Variants in POMGNT1 observed in about 807,000 individuals in gnomAD.
POMGNT1 encodes protein O-linked-mannose beta-1,2-N-acetylglucosaminyltransferase 1.
In POMGNT1, 67 loss-of-function variants were observed where a neutral mutation model predicts 95.6. The observed-to-expected ratio is 0.70, with a 90% CI of 0.58 to 0.86. The LOEUF (loss-of-function observed/expected upper bound fraction) is 0.86, where lower values mean the gene tolerates loss of function less well. Among genes scored for constraint, POMGNT1 ranks in the 40% least tolerant of loss-of-function variants. The probability of loss-of-function intolerance (pLI) is 0.00; values close to 1 mark genes in which losing one functional copy is unlikely to be tolerated. For missense variants in POMGNT1, 719 were observed against 855.2 expected (o/e 0.84, Z 1.99); for synonymous variants, 298 against 317.9 (o/e 0.94, Z 0.66).
Position 46,189,274 on chromosome 1 carries a change from G to A in POMGNT1, c.1979C>T (p.Thr660Ile), listed in dbSNP as rs377760450. The A allele has an allele frequency of 1.7e-5, 27 of 1,613,378 alleles. No individual in the cohort carries two copies. The African/African-American group carries it at 3.5e-4, about 21-fold the overall frequency. Residue 660 changes from threonine (T) to isoleucine (I), a missense_variant, in exon 22 of 22, where the codon ACA becomes ATA. Physicochemically the swap from Thr to Ile is moderately conservative, Grantham distance 89. Coordinates refer to ENST00000371984, the MANE Select transcript of POMGNT1 (RefSeq NM_017739.4). ...CGCAGGGTCCTGGAGGAGGTCTCAT[G>A]TCTGTTCTGGGGCTCCTGGGGCTCC... ...EEGAPGAPEQ[T>I]
At chr1:46,216,082 T>C (rs1212058301) in intron 1 of POMGNT1, among the ~76,000 whole-genome samples, 3 of 130,232 alleles carry the variant, frequency 2.3e-5, no homozygotes, top group African/African-American at 8.3e-5. Context: ...GGAGTCTCGC[T>C]GTTGCCCAGG....
chr1:46,206,351 G>A lies in POMGNT1; in HGVS notation c.-50-8480C>T, dbSNP rs528919097. Among the ~76,000 whole-genome samples the A allele has an allele frequency of 5.3e-5, 8 of 152,230 alleles. No homozygotes were observed. The South Asian group carries it at 1.2e-3, about 24-fold the overall frequency. On this transcript the variant is annotated intron_variant, in intron 1 of 22. Coordinates refer to the POMGNT1 transcript ENST00000371992. ...TAGTAACAATATTCTGATAGTCCCC[G>A]CTCTGGGAGCTCGGACTGGGATTTC...
At chr1:46,201,718 AAAAG>A (rs560972142), upstream of POMGNT1, among the ~76,000 whole-genome samples, 3 of 151,670 alleles carry the variant, frequency 2.0e-5, no homozygotes, top group African/African-American at 4.8e-5. Context: ...AAAAAAAGAA[AAAAG>A]AAAGAAAAGA....
chr1:46,207,666 G>A (rs925420460), intron 1 of POMGNT1, among the ~76,000 whole-genome samples: 2 of 151,674 alleles, frequency 1.3e-5, no homozygotes, highest in Non-Finnish European at 2.9e-5. Context: ...AGCCTCCCGA[G>A]TAGCTGGGAC....
chr1:46,197,139 G>A, intron 2 of POMGNT1, 55 bp from the exon 3 acceptor site: 1 of 1,612,994 alleles, frequency 6.2e-7, no homozygotes, highest in South Asian at 1.1e-5. Flanking sequence ...ATCCTAGAGG[G>A]TCTTTCTGAA....
At chr1:46,205,150 C>T (rs1209660143) in intron 1 of POMGNT1, among the ~76,000 whole-genome samples, 1 of 151,966 alleles carries the variant, frequency 6.6e-6, no homozygotes, top group Non-Finnish European at 1.5e-5. Context: ...CCTAGCTACT[C>T]TGGAGGCAGA....
chr1:46,191,113 C>G, intron 17 of POMGNT1: 1 of 364,850 alleles, frequency 2.7e-6, no homozygotes, highest in South Asian at 2.2e-5. Context: ...ACAGGCCCTG[C>G]AGGAGGTGGT....
At chr1:46,209,008 G>A (rs1289933182) in intron 1 of POMGNT1, among the ~76,000 whole-genome samples, 1 of 152,192 alleles carries the variant, frequency 6.6e-6, no homozygotes, top group Non-Finnish European at 1.5e-5. Flanking sequence ...CAGCAGTGGG[G>A]AAAGCTGAAA....
In POMGNT1 at chr1:46,196,745, C is replaced by T. The variant is rs1358970292; in HGVS notation, c.340G>A (p.Val114Met). ...YSSRSKVYVA[V>M]DGTTVLEDEA... is the part of the protein sequence containing the mutation. ...GGCCCACTGACCGTGGTGCCATCCA[C>T]TGCCACATATACTTTGCTGCGACTT... Residue 114 changes from valine to methionine, a missense_variant, in exon 4 of 22, where the codon GTG (valine) becomes ATG (methionine). Val to Met is a conservative substitution (Grantham distance 21). Transcript: ENST00000371984. This position sits in a 1 kb window ranked among gnomAD's most constrained non-coding sequence, Gnocchi z 4.4. 1.2e-6 allele frequency: 2 copies of T among 1,614,198 alleles called. No homozygotes were observed. Among genetic ancestry groups the T allele is most frequent in the Non-Finnish European group, 8.5e-7 (1 of 1,180,038 alleles).
At chr1:46,193,773 C>T in intron 10 of POMGNT1, 82 bp downstream of exon 10, 1 of 1,600,540 alleles carries the variant, frequency 6.2e-7, no homozygotes, top group Non-Finnish European at 8.5e-7. Context: ...GCCTTTCTGC[C>T]CACCTCAAGA....
chr1:46,212,731 C>T (rs531236423), intron 1 of POMGNT1, among the ~76,000 whole-genome samples: 1 of 152,126 alleles, frequency 6.6e-6, no homozygotes, highest in African/African-American at 2.4e-5. Context: ...CAAGAGCCAC[C>T]ATGCTTGGCT....
In POMGNT1 at chr1:46,192,379, C is replaced by G. The variant is rs386834014; in HGVS notation, c.1342G>C (p.Gly448Arg). Reference protein sequence around the residue: ...ALLYRVETMPGLGWVLRRSLY... With the variant: ...ALLYRVETMPRLGWVLRRSLY... ...GACCTCCTGAGCACCCAGCCCAGCC[C>G]AGGCATGGTCTCCACACGGTACAGT... Residue 448 changes from glycine (G) to arginine (R), a missense_variant, in exon 16 of 22, where the codon GGG becomes CGG. Physicochemically the swap from Gly to Arg is moderately radical, Grantham distance 125 (BLOSUM62 -2). Coordinates refer to ENST00000371984, the MANE Select transcript of POMGNT1 (RefSeq NM_017739.4). The G allele has an allele frequency of 4.8e-5, 77 of 1,614,106 alleles. No individual in the cohort carries two copies. The highest frequency in any genetic ancestry group is 6.2e-5 in the Non-Finnish European group (73 of 1,180,044).
chr1:46,214,100 C>T (rs1005487230), intron 1 of POMGNT1, among the ~76,000 whole-genome samples: 8 of 152,136 alleles, frequency 5.3e-5, no homozygotes, highest in African/African-American at 1.7e-4. Context: ...AATCCCAATA[C>T]TTTGGAAGGC....
chr1:46,201,329 T>C (rs971484422), upstream of POMGNT1, among the ~76,000 whole-genome samples: 2 of 151,286 alleles, frequency 1.3e-5, no homozygotes, highest in African/African-American at 4.9e-5. Flanking sequence ...CTGGGCAACA[T>C]AGCGAGACTC....
chr1:46,204,576 A>AG (rs1557682374), intron 1 of POMGNT1, among the ~76,000 whole-genome samples: 3 of 152,190 alleles, frequency 2.0e-5, no homozygotes, highest in African/African-American at 7.2e-5. Context: ...GTGAAGGAGA[A>AG]GGGGAAGGAA....
Position 46,194,393 on chromosome 1 carries a change from A to G in POMGNT1, c.760T>C (p.Cys254Arg). The G allele has an allele frequency of 3.1e-6, 5 of 1,614,058 alleles. No homozygotes were observed. The South Asian group carries it at 5.5e-5, about 18-fold the overall frequency. The change falls in exon 9 of 22, where the codon TGC becomes CGC. Residue 254 changes from cysteine to arginine, a missense_variant. Physicochemically the swap from Cys to Arg is radical, Grantham distance 180. Around this residue, in one of 5 missense-constraint regions of POMGNT1, gnomAD observed 466 missense variants for 517.4 expected, o/e 0.90. Coordinates refer to ENST00000371984, the MANE Select transcript of POMGNT1 (RefSeq NM_017739.4). ...TTCAGCTCTGTGTCTGCCCAGTGGC[A>G]CTCTGCCTCTGAGGGAAGGATGCGG... Reference protein sequence around the residue: ...VPLSSAEEAECHWADTELNRR... With the variant: ...VPLSSAEEAERHWADTELNRR...
chr1:46,190,413 C>T lies in POMGNT1; in HGVS notation c.1649+60G>A, dbSNP rs149441332. 6 of 1,517,328 alleles carry T rather than the reference C, an allele frequency of 4.0e-6. No homozygotes were observed. In the East Asian group the frequency reaches 1.1e-4, roughly 29 times the overall value. 94.0% of individuals were successfully genotyped at this position (1,517,328 alleles called of 1,614,324 possible). A position where few individuals can be genotyped will look rare whatever the true frequency, so the allele number is the denominator to read the frequency against. ...CACAGGACCCTGTAAATTATGGGGC[C>T]AAGATCCCCAGTATTTGACTCTTTG... On this transcript the variant is annotated intron_variant, in intron 19 of 21. Transcript: ENST00000371984.
chr1:46,190,047 C>T, intron 19 of POMGNT1, 58 bp from the exon 20 acceptor site: 1 of 1,599,718 alleles, frequency 6.3e-7, no homozygotes, highest in Non-Finnish European at 8.5e-7. Flanking sequence ...GGGTGTGTCC[C>T]ACAGGACCCT....
At chr1:46,217,857 C>CA (rs1194522787) in intron 1 of POMGNT1, among the ~76,000 whole-genome samples, 1 of 150,718 alleles carries the variant, frequency 6.6e-6, no homozygotes, top group African/African-American at 2.4e-5. Flanking sequence ...AACTCTGTCT[C>CA]AAAAAAGAAA....
Sources: allele counts gnomAD v4.1 joint callset (sites outside exome capture counted in the v4.1 genomes callset), GRCh38; gene constraint gnomAD v4.1.1; regional missense constraint gnomAD v4.1.1; non-coding constraint Gnocchi (gnomAD v3.1); transcripts MANE v1.5; gene names NCBI Gene and HGNC (gene_info 2026-07-23, HGNC 2026-07-21).